CALD1: variants seen among roughly 807,000 people sequenced by gnomAD.
The protein encoded by CALD1 is caldesmon 1, also known as caldesmon.
In CALD1, 33 loss-of-function variants were observed where a neutral mutation model predicts 99.9. The observed-to-expected ratio is 0.33, with a 90% CI of 0.25 to 0.44. The LOEUF is 0.44. Ranked by LOEUF, CALD1 falls within the 20% of genes least tolerant of loss-of-function variation. The probability of loss-of-function intolerance (pLI) is 1.00; values close to 1 mark genes in which losing one functional copy is unlikely to be tolerated. For missense variants in CALD1, 861 were observed against 962.1 expected (o/e 0.89, Z 1.39); for synonymous variants, 310 against 325.0 (o/e 0.95, Z 0.50).
At chr7:134,752,726 C>T (rs1796695119) in intron 1 of CALD1, among the ~76,000 whole-genome samples, 1 of 152,062 alleles carries the variant, frequency 6.6e-6, no homozygotes, top group Admixed American at 6.6e-5. Context: ...TCAGGCTGGG[C>T]GCAGTGGCTC....
At chr7:134,918,838 A>G (rs989236814) in intron 3 of CALD1, among the ~76,000 whole-genome samples, 3 of 152,134 alleles carry the variant, frequency 2.0e-5, no homozygotes, top group Non-Finnish European at 4.4e-5. Flanking sequence ...TCTGCAAAAA[A>G]TACAAAAATT....
At chr7:134,780,291 C>T (rs945880084) in intron 1 of CALD1, among the ~76,000 whole-genome samples, 9 of 152,144 alleles carry the variant, frequency 5.9e-5, no homozygotes, top group Admixed American at 2.0e-4. Flanking sequence ...CAAGGAAATA[C>T]GGTCAGAGAT....
chr7:134,928,817 C>G lies in CALD1; in HGVS notation c.135C>G (p.Ala45=). The change falls in exon 4 of 15, where the codon GCC becomes GCG. Residue 45 remains alanine, a synonymous_variant. Coordinates refer to ENST00000361675, the MANE Select transcript of CALD1 (RefSeq NM_033138.4). ...EEAARERRRR[A]RQERLRQKQE... is the part of the protein sequence containing the mutation. ...CAGCCCGGGAACGGCGCCGCCGAGCCCGACAGGAACGGCTGCGGCAGAAGC... is the reference window on the plus strand; with the variant it reads ...CAGCCCGGGAACGGCGCCGCCGAGCGCGACAGGAACGGCTGCGGCAGAAGC... 6.2e-7 allele frequency: 1 copy of G among 1,613,992 alleles called. No homozygotes were observed. The highest frequency in any genetic ancestry group is 8.5e-7 in the Non-Finnish European group (1 of 1,179,960).
the CALD1 span, among the ~76,000 whole-genome samples, chr7:134,731,280 TA>T: frequency 1.3e-5 from 2 of 152,246 alleles, no homozygotes; most frequent in South Asian, 4.1e-4. Flanking sequence ...CAAACAAACA[TA>T]AAAACACTCT....
At chr7:134,937,427 A>AC (rs1328748992) in intron 6 of CALD1, among the ~76,000 whole-genome samples, 2 of 152,290 alleles carry the variant, frequency 1.3e-5, no homozygotes, top group African/African-American at 4.8e-5. Context: ...AAGGCCAGAT[A>AC]AGCTACTCAA....
At chr7:134,844,788 C>T (rs904997893) in intron 2 of CALD1, among the ~76,000 whole-genome samples, 7 of 150,822 alleles carry the variant, frequency 4.6e-5, no homozygotes, top group African/African-American at 1.7e-4. Context: ...TGTGTCTTCA[C>T]GTGGTCCTCT....
At chr7:134,805,296 TG>T (rs1798092978) in intron 1 of CALD1, among the ~76,000 whole-genome samples, 2 of 152,236 alleles carry the variant, frequency 1.3e-5, no homozygotes, top group African/African-American at 4.8e-5. Context: ...TCTCTGATTT[TG>T]TATTTTCTTA....
chr7:134,776,184 G>T (rs1444285695), upstream of CALD1, among the ~76,000 whole-genome samples: 1 of 152,124 alleles, frequency 6.6e-6, no homozygotes, highest in African/African-American at 2.4e-5. Context: ...AGAAGAGATA[G>T]TAGTGGCTTT....
At chr7:134,951,179 A>G (rs1029859648) in intron 9 of CALD1, among the ~76,000 whole-genome samples, 1 of 152,164 alleles carries the variant, frequency 6.6e-6, no homozygotes, top group African/African-American at 2.4e-5. Context: ...TTACCACCCA[A>G]AGGTCTCACC....
intron 3 of CALD1, among the ~76,000 whole-genome samples, chr7:134,874,296 G>A (rs1284365899): frequency 1.3e-5 from 2 of 151,740 alleles, no homozygotes; most frequent in African/African-American, 2.4e-5. Context: ...AGGTTCAAGC[G>A]ATTCTCCTGC....
chr7:134,956,775 C>T (rs955552146), intron 9 of CALD1, among the ~76,000 whole-genome samples: 16 of 152,124 alleles, frequency 1.1e-4, no homozygotes, highest in African/African-American at 3.9e-4. Flanking sequence ...AACTTTTCAG[C>T]GTGCATGTGC....
chr7:134,964,254 A>G (rs538640601), intron 13 of CALD1, among the ~76,000 whole-genome samples: 1 of 152,340 alleles, frequency 6.6e-6, no homozygotes, highest in Admixed American at 6.5e-5. Context: ...ACGGATCCCA[A>G]GATAGTGATT....
chr7:134,762,098 A>T (rs1274506926), intron 1 of CALD1, among the ~76,000 whole-genome samples: 1 of 152,124 alleles, frequency 6.6e-6, no homozygotes, highest in African/African-American at 2.4e-5. Flanking sequence ...CTTCCAACTG[A>T]TCTTAGTTGG....
intron 3 of CALD1, among the ~76,000 whole-genome samples, chr7:134,902,655 A>C (rs1803084087): frequency 6.6e-6 from 1 of 152,152 alleles, no homozygotes; most frequent in South Asian, 2.1e-4. Context: ...GGAAAAACTG[A>C]ACATCCAAGA....
intron 3 of CALD1, among the ~76,000 whole-genome samples, chr7:134,889,717 T>C (rs764987966): frequency 9.8e-5 from 15 of 152,338 alleles, no homozygotes; most frequent in Non-Finnish European, 1.9e-4. Context: ...TTAAGTCCTC[T>C]TGTGTGAAGG....
Position 134,968,882 on chromosome 7 carries a change from G to A in CALD1, c.*537G>A, listed in dbSNP as rs908099384. 1.1e-5 allele frequency: 2 copies of A among 179,550 alleles called. No individual in the cohort carries two copies. The highest frequency in any genetic ancestry group is 1.1e-4 in the Admixed American group (2 of 18,498). The allele number at this position is 179,550 out of a possible 1,614,324, so 11.1% of individuals were successfully genotyped here. A position where few individuals can be genotyped will look rare whatever the true frequency, so the allele number is the denominator to read the frequency against. ...TTTAAAAAAAAAAAAGAAATGTACTGTTAAGGTATTACTTTTTTTCATGCT... is the reference window on the plus strand; with the variant it reads ...TTTAAAAAAAAAAAAGAAATGTACTATTAAGGTATTACTTTTTTTCATGCT... On this transcript the variant is annotated 3_prime_UTR_variant, in exon 15 of 15. Coordinates refer to ENST00000361675, the MANE Select transcript of CALD1 (RefSeq NM_033138.4).
the CALD1 span, among the ~76,000 whole-genome samples, chr7:134,727,848 G>C: frequency 6.6e-6 from 1 of 152,186 alleles, no homozygotes; most frequent in Admixed American, 6.5e-5. Context: ...GGGTTGGTCT[G>C]TTGGGACCTA....
At chr7:134,945,218 C>G (rs1012011176) in intron 7 of CALD1, among the ~76,000 whole-genome samples, 1 of 151,970 alleles carries the variant, frequency 6.6e-6, no homozygotes, top group Non-Finnish European at 1.5e-5. Context: ...AAAAACGTAC[C>G]CATTTCTTCC....
At chr7:134,764,134 G>C (rs1300326232) in intron 1 of CALD1, among the ~76,000 whole-genome samples, 2 of 152,040 alleles carry the variant, frequency 1.3e-5, no homozygotes, top group Non-Finnish European at 2.9e-5. Flanking sequence ...TGGGAGGACT[G>C]TATCATTAGC....
Sources: gnomAD v4.1 joint callset for allele counts (sites outside exome capture counted in the v4.1 genomes callset) on GRCh38, gnomAD v4.1.1 for gene constraint, MANE v1.5 for transcripts, NCBI Gene and HGNC (gene_info 2026-07-23, HGNC 2026-07-21) for gene names.